ZNF277: variants seen among roughly 807,000 people sequenced by gnomAD.
The protein encoded by ZNF277 is zinc finger protein 277, also known as nuclear receptor-interacting factor 4.
In ZNF277, 55 loss-of-function variants were observed where a neutral mutation model predicts 60.7. The observed-to-expected ratio is 0.91, with a 90% CI of 0.73 to 1.13. The LOEUF is 1.13. Ranked by LOEUF, ZNF277 falls within the 50% of genes most tolerant of loss-of-function variation. ZNF277 has a pLI of 0.00. For missense variants in ZNF277, 510 were observed against 523.0 expected (o/e 0.98, Z 0.24); for synonymous variants, 178 against 179.3 (o/e 0.99, Z 0.06).
At chr7:112,282,523 G>A (rs1791970929) in intron 1 of ZNF277, among the ~76,000 whole-genome samples, 1 of 152,232 alleles carries the variant, frequency 6.6e-6, no homozygotes, top group Non-Finnish European at 1.5e-5. Context: ...AGGAACATGG[G>A]AGGCTTCGCC....
intron 4 of ZNF277, among the ~76,000 whole-genome samples, chr7:112,302,367 G>T (rs1033507897): frequency 2.6e-5 from 4 of 151,772 alleles, no homozygotes; most frequent in Non-Finnish European, 5.9e-5. Flanking sequence ...TTTCAGTAAA[G>T]GATCAAATTA....
intron 5 of ZNF277, among the ~76,000 whole-genome samples, chr7:112,319,912 A>G (rs1450590484): frequency 6.6e-6 from 1 of 151,686 alleles, no homozygotes; most frequent in African/African-American, 2.4e-5. Flanking sequence ...ACCAGTGAAA[A>G]CCCATGCCAC....
At chr7:112,309,196 A>G (rs1328444386) in intron 4 of ZNF277, among the ~76,000 whole-genome samples, 2 of 151,938 alleles carry the variant, frequency 1.3e-5, no homozygotes, top group Non-Finnish European at 2.9e-5. Flanking sequence ...CAGTTTTTAC[A>G]AGAGTCAACC....
At chr7:112,303,646 C>T (rs945482034) in intron 4 of ZNF277, among the ~76,000 whole-genome samples, 3 of 151,954 alleles carry the variant, frequency 2.0e-5, no homozygotes, top group African/African-American at 4.8e-5. Context: ...TTCTCTTGTA[C>T]CTTTAATATA....
Position 112,298,431 on chromosome 7 carries a change from A to G in ZNF277, c.465+2120A>G, listed in dbSNP as rs150129523. ...CAAGGTGTATTCAGGAAAATCGAGT[A>G]AAAGTCTACTCCGGCTTAGATAGAA... On this transcript the variant is annotated intron_variant, in intron 4 of 11. Coordinates refer to ENST00000361822, the MANE Select transcript of ZNF277 (RefSeq NM_021994.3). Among the ~76,000 whole-genome samples, 284 of 152,336 alleles carry G rather than the reference A, an allele frequency of 1.9e-3. 3 individuals are homozygous for G. Among genetic ancestry groups the G allele is most frequent in the African/African-American group, 6.2e-3 (257 of 41,588 alleles).
chr7:112,225,782 A>G (rs533884276), intron 1 of ZNF277, among the ~76,000 whole-genome samples: 1 of 152,302 alleles, frequency 6.6e-6, no homozygotes, highest in South Asian at 2.1e-4. Flanking sequence ...TCACTATGCT[A>G]TTGAATTAGG....
At chr7:112,209,496 T>C (rs975204893) in intron 1 of ZNF277, among the ~76,000 whole-genome samples, 4 of 152,132 alleles carry the variant, frequency 2.6e-5, no homozygotes, top group Non-Finnish European at 5.9e-5. Flanking sequence ...AATAAAAGTG[T>C]TGAGTAGTAG....
intron 1 of ZNF277, among the ~76,000 whole-genome samples, chr7:112,220,882 C>G (rs367636020): frequency 6.6e-6 from 1 of 152,120 alleles, no homozygotes; most frequent in East Asian, 1.9e-4. Context: ...GGATATAAAC[C>G]CAGGCATTCC....
rs1449916418 is a variant in ZNF277, at chr7:112,244,662, CAT to C, written c.91+37861_91+37862del. On this transcript the variant is annotated intron_variant, in intron 1 of 11. Coordinates refer to ENST00000361822, the MANE Select transcript of ZNF277 (RefSeq NM_021994.3). Reference sequence around the variant, plus strand: ...CAGTTTTTCTTTTAAGTATCATATACATATATAGTTTTCTCTATTACCTCTTT... The same window carrying C: ...CAGTTTTTCTTTTAAGTATCATATACATATAGTTTTCTCTATTACCTCTTT... Among the ~76,000 whole-genome samples, 14 of 152,104 alleles carry C rather than the reference CAT, an allele frequency of 9.2e-5. No individual in the cohort carries two copies. In the East Asian group the frequency reaches 2.5e-3, roughly 27 times the overall value.
chr7:112,228,989 CA>C (rs1311270284), intron 1 of ZNF277, among the ~76,000 whole-genome samples: 1 of 152,156 alleles, frequency 6.6e-6, no homozygotes, highest in Non-Finnish European at 1.5e-5. Context: ...AAGTTTAAAG[CA>C]TTATATAAAT....
chr7:112,217,435 A>T (rs1163592207), intron 1 of ZNF277, among the ~76,000 whole-genome samples: 1 of 152,254 alleles, frequency 6.6e-6, no homozygotes, highest in African/African-American at 2.4e-5. Flanking sequence ...AAAGTAGATC[A>T]TACTGTCTCA....
At chr7:112,293,362 A>G (rs954088916) in intron 2 of ZNF277, among the ~76,000 whole-genome samples, 2 of 152,118 alleles carry the variant, frequency 1.3e-5, no homozygotes, top group African/African-American at 4.8e-5. Flanking sequence ...AGATTGCTTG[A>G]GCTCACAAGT....
intron 1 of ZNF277, among the ~76,000 whole-genome samples, chr7:112,228,538 C>G (rs1401981880): frequency 8.0e-6 from 1 of 125,748 alleles, no homozygotes; most frequent in African/African-American, 3.0e-5. Flanking sequence ...AGGCCTTATA[C>G]ATTGACCTTG....
chr7:112,253,887 A>G (rs973270565), intron 1 of ZNF277, among the ~76,000 whole-genome samples: 2 of 152,182 alleles, frequency 1.3e-5, no homozygotes, highest in African/African-American at 2.4e-5. Context: ...CAGAAATGCT[A>G]AAGTTCTTTT....
intron 1 of ZNF277, among the ~76,000 whole-genome samples, chr7:112,237,505 A>G (rs1396065756): frequency 6.6e-6 from 1 of 152,194 alleles, no homozygotes; most frequent in Non-Finnish European, 1.5e-5. Flanking sequence ...ATAAACAATC[A>G]GAAATGAAAC....
intron 4 of ZNF277, among the ~76,000 whole-genome samples, chr7:112,305,405 T>G (rs1792566615): frequency 6.6e-6 from 1 of 151,776 alleles, no homozygotes; most frequent in African/African-American, 2.4e-5. Context: ...TTGCCTTCTG[T>G]GGAGGATTAA....
At chr7:112,339,720 G>C (rs1417009025) in intron 9 of ZNF277, 123 bp from the exon 10 acceptor site, 1 of 911,662 alleles carries the variant, frequency 1.1e-6, no homozygotes, top group African/African-American at 1.7e-5. Context: ...TTCAAAAGCA[G>C]AAGATACCGA....
intron 2 of ZNF277, 152 bp from the exon 3 acceptor site, chr7:112,295,717 T>A (rs951561906): frequency 1.7e-6 from 1 of 575,094 alleles, no homozygotes; most frequent in African/African-American, 1.9e-5. Flanking sequence ...TCCACTGCCT[T>A]TGTATTCACA....
At chr7:112,296,420 CAT>C (rs1413273848) in intron 4 of ZNF277, 109 bp downstream of exon 4, 94 of 529,312 alleles carry the variant, frequency 1.8e-4, no homozygotes, top group East Asian at 1.5e-3. Flanking sequence ...AACTTTCAAA[CAT>C]ATGTAAAAGA....
Sources: allele counts gnomAD v4.1 joint callset (sites outside exome capture counted in the v4.1 genomes callset), GRCh38; gene constraint gnomAD v4.1.1; transcripts MANE v1.5; gene names NCBI Gene and HGNC (gene_info 2026-07-23, HGNC 2026-07-21).